Variants in KIF17 observed in about 807,000 individuals in gnomAD.
The protein encoded by KIF17 is kinesin-like protein KIF17.
Under a neutral mutation model 96.8 loss-of-function variants are expected in KIF17, and 80 were observed. That is an observed-to-expected ratio of 0.83 (90% CI 0.69 to 1.00). The LOEUF (loss-of-function observed/expected upper bound fraction) is 1.00. KIF17 is among the 50% of genes least tolerant of loss of function. The pLI is 0.00. For missense variants in KIF17, 1,280 were observed against 1,372.9 expected, an observed-to-expected ratio of 0.93 and a Z score of 1.07; for synonymous variants, 567 against 587.5, an observed-to-expected ratio of 0.97 and a Z score of 0.51.
chr1:20,695,101 C>A (rs1156649113), intron 6 of KIF17, among the ~76,000 whole-genome samples: 1 of 151,220 alleles, frequency 6.6e-6, no homozygotes, highest in Non-Finnish European at 1.5e-5. Context: ...GGCACACATG[C>A]ACATGCACGC....
chr1:20,698,501 C>T lies in KIF17; in HGVS notation c.1124-13G>A. On this transcript the variant is annotated splice_polypyrimidine_tract_variant and intron_variant, in intron 5 of 14. Coordinates refer to ENST00000400463, the MANE Select transcript of KIF17 (RefSeq NM_001122819.3). ...CTGGACAGCAGGGCTGGGGGAGAAACAGAAATTAGCAGCCAGGATGAGGGG... is the reference window on the plus strand; with the variant it reads ...CTGGACAGCAGGGCTGGGGGAGAAATAGAAATTAGCAGCCAGGATGAGGGG... The T allele has an allele frequency of 3.2e-6, 5 of 1,568,182 alleles. No individual in the cohort carries two copies. The highest frequency in any genetic ancestry group is 1.7e-4 in the Middle Eastern group (1 of 5,980).
At chr1:20,712,982 G>A (rs2054504693) in intron 3 of KIF17, among the ~76,000 whole-genome samples, 1 of 129,626 alleles carries the variant, frequency 7.7e-6, no homozygotes, top group Admixed American at 8.8e-5. Context: ...TCTATATATA[G>A]ATACTATATA....
chr1:20,704,170 G>A lies in KIF17; in HGVS notation c.1123+277C>T, dbSNP rs367570612. 6.6e-6 allele frequency among the ~76,000 whole-genome samples: 1 copy of A among 150,398 alleles called. No individual in the cohort carries two copies. Among genetic ancestry groups the A allele is most frequent in the Admixed American group, 6.6e-5 (1 of 15,056 alleles). The stretch of plus-strand genomic sequence containing the variant: ...GTGTGGTGGGGGGTGTGGTGGGGGT[G>A]GGGGGGATAATGGATGAGCAGATGA... On this transcript the variant is annotated intron_variant, in intron 5 of 14. Coordinates refer to ENST00000400463, the MANE Select transcript of KIF17 (RefSeq NM_001122819.3). This position sits in a 1 kb window ranked among gnomAD's most constrained non-coding sequence, Gnocchi z 6.8.
In KIF17 at chr1:20,686,237, C is replaced by G. The variant is rs115647537; in HGVS notation, c.1939-111G>C. The G allele has an allele frequency of 5.8e-5, 48 of 823,180 alleles. No homozygotes were observed. In the East Asian group the frequency reaches 1.2e-3, roughly 20 times the overall value. The allele number at this position is 823,180 out of a possible 1,614,324, so 51.0% of individuals were successfully genotyped here. ...ACTCCCCAAGGCCTCCCACCACCCC[C>G]CAACCTCCCCTGCCTGTCACTCCCG... On this transcript the variant is annotated intron_variant, in intron 8 of 14. Transcript: ENST00000400463.
At chr1:20,716,223 C>T (rs1470444468) in intron 1 of KIF17, among the ~76,000 whole-genome samples, 2 of 139,214 alleles carry the variant, frequency 1.4e-5, no homozygotes, top group East Asian at 4.1e-4. Context: ...GCCTGGGCGA[C>T]AGCGCGAGAC....
Position 20,684,879 on chromosome 1 carries a change from C to G in KIF17, c.2161G>C (p.Val721Leu). Residue 721 changes from valine to leucine, a missense_variant, in exon 10 of 15, where the codon GTG becomes CTG. Coordinates refer to ENST00000400463, the MANE Select transcript of KIF17 (RefSeq NM_001122819.3). The stretch of plus-strand genomic sequence containing the variant: ...GTCAGCACTGCCACCTCCATGCCCA[C>G]GCTCTCCCTCTTCACACCAGCTGTG... ...PATAGVKRES[V>L]GMEVAVLTDD... The G allele has an allele frequency of 6.3e-7, 1 of 1,597,870 alleles. No homozygotes were observed.
intron 11 of KIF17, among the ~76,000 whole-genome samples, chr1:20,680,722 A>G (rs996861932): frequency 5.3e-5 from 8 of 152,240 alleles, no homozygotes; most frequent in African/African-American, 1.9e-4. Context: ...TAGGACATCA[A>G]TGAAAAGAAA....
chr1:20,688,048 T>G (rs112295043), intron 7 of KIF17, 104 bp from the exon 8 acceptor site: 41,675 of 965,160 alleles, frequency 0.043, 2,151 homozygotes, highest in African/African-American at 0.22. Context: ...TTGTTTGTTT[T>G]TTTTTTGTTT....
intron 6 of KIF17, among the ~76,000 whole-genome samples, chr1:20,696,765 CCCCGCTGTGTGACT>C (rs1300951231): frequency 2.0e-5 from 3 of 152,094 alleles, no homozygotes; most frequent in African/African-American, 7.2e-5. Context: ...AGCCTCCGAG[CCCCGCTGTGTGACT>C]CCATGCCCAC....
rs775659554 is a variant in KIF17 at position 20,687,642 on chromosome 1, C to A, written c.1684G>T (p.Val562Leu). 6.2e-7 allele frequency: 1 copy of A among 1,614,154 alleles called. No individual in the cohort carries two copies. The highest frequency in any genetic ancestry group is 8.5e-7 in the Non-Finnish European group (1 of 1,180,018). ...AFPGPEEPSN[V>L]EVSMPTEESR... ...TCCTCAGTGGGCATGGAGACCTCCA[C>A]GTTGGAGGGCTCCTCAGGCCCAGGG... The change falls in exon 8 of 15, where the codon GTG (valine) becomes TTG (leucine). Residue 562 changes from valine (V) to leucine (L), a missense_variant. Physicochemically the swap from Val to Leu is conservative, Grantham distance 32. Transcript: ENST00000400463. The surrounding 1 kb of genome is among the most constrained non-coding windows in gnomAD (Gnocchi z 4.4).
chr1:20,684,796 C>T lies in KIF17; in HGVS notation c.2231+13G>A. 6.4e-7 allele frequency: 1 copy of T among 1,562,518 alleles called. No individual in the cohort carries two copies. The highest frequency in any genetic ancestry group is 8.7e-7 in the Non-Finnish European group (1 of 1,153,926). ...ACCGTGGGGTCCCGCCAGCCCCATG[C>T]TCTGCTGCTTACCGGGCCAGCACCT... is the stretch of plus-strand genomic sequence containing the variant. On this transcript the variant is annotated intron_variant, in intron 10 of 14. Transcript: ENST00000400463.
At chr1:20,711,309 C>G (rs889732854) in intron 3 of KIF17, among the ~76,000 whole-genome samples, 7 of 152,146 alleles carry the variant, frequency 4.6e-5, no homozygotes, top group African/African-American at 1.7e-4. Context: ...TATTTTCCAG[C>G]CTAGGAAGGC....
intron 4 of KIF17, among the ~76,000 whole-genome samples, chr1:20,706,097 G>A (rs1055717935): frequency 4.0e-5 from 6 of 150,644 alleles, no homozygotes; most frequent in East Asian, 2.0e-4. Flanking sequence ...TTAGAGATAC[G>A]GTGTCCCTAT....
intron 6 of KIF17, among the ~76,000 whole-genome samples, chr1:20,696,844 C>T (rs2054149878): frequency 6.6e-6 from 1 of 152,160 alleles, no homozygotes; most frequent in South Asian, 2.1e-4. Flanking sequence ...CTGAGCTCAG[C>T]CATCCCCCAG....
downstream of KIF17, among the ~76,000 whole-genome samples, chr1:20,661,713 C>A (rs548173059): frequency 6.6e-6 from 1 of 152,254 alleles, no homozygotes; most frequent in East Asian, 1.9e-4. Context: ...CCCTCTGGAG[C>A]TTGCGGGGTC....
At chr1:20,705,018 A>G in intron 4 of KIF17, 119 bp from the exon 5 acceptor site, 1 of 841,134 alleles carries the variant, frequency 1.2e-6, no homozygotes, top group Non-Finnish European at 2.0e-6. Flanking sequence ...TCAGCTGCAC[A>G]GGAGCCCCAG....
chr1:20,672,088 G>T lies in KIF17; in HGVS notation c.2572C>A (p.Gln858Lys). 1 of 1,614,216 alleles carries T rather than the reference G, an allele frequency of 6.2e-7. No individual in the cohort carries two copies. Among genetic ancestry groups the T allele is most frequent in the Non-Finnish European group, 8.5e-7 (1 of 1,180,050 alleles). The change falls in exon 12 of 15, where the codon CAG (glutamine) becomes AAG (lysine). Residue 858 changes from glutamine to lysine, a missense_variant. By Grantham distance (53) the Gln-to-Lys change is moderately conservative (BLOSUM62 1). Coordinates refer to ENST00000400463, the MANE Select transcript of KIF17 (RefSeq NM_001122819.3). This position sits in a 1 kb window ranked among gnomAD's most constrained non-coding sequence, Gnocchi z 4.3. ...RRQERDSMLL[Q>K]QLLEQVQPLI... ...GGCTGCACCTGCTCCAGGAGCTGCT[G>T]CAAGAGCATGGAGTCACGCTCCTGC...
intron 7 of KIF17, among the ~76,000 whole-genome samples, chr1:20,689,423 G>T (rs1028781856): frequency 2.0e-5 from 3 of 152,212 alleles, no homozygotes; most frequent in African/African-American, 4.8e-5. Flanking sequence ...GGCCAAGGCA[G>T]GTGGATCGCT....
In KIF17 at chr1:20,694,201, G is replaced by A. The variant is rs577642539; in HGVS notation, c.1234-3866C>T. Among the ~76,000 whole-genome samples, 12 of 151,616 alleles carry A rather than the reference G, an allele frequency of 7.9e-5. No homozygotes were observed. The East Asian group carries it at 1.8e-3, about 22-fold the overall frequency. ...TAACCTCCACCTCCCAGGTTCAAGC[G>A]ATTCTCCTGCCTCAGCCTCCTGAGT... is the stretch of plus-strand genomic sequence containing the variant. On this transcript the variant is annotated intron_variant, in intron 6 of 14. Coordinates refer to ENST00000400463, the MANE Select transcript of KIF17 (RefSeq NM_001122819.3).
Sources: gnomAD v4.1 joint callset for allele counts (sites outside exome capture counted in the v4.1 genomes callset) on GRCh38, gnomAD v4.1.1 for gene constraint, Gnocchi (gnomAD v3.1) non-coding constraint, MANE v1.5 for transcripts, NCBI Gene and HGNC (gene_info 2026-07-23, HGNC 2026-07-21) for gene names.